The following LIPG variants were observed in gnomAD, a reference collection of about 807,000 sequenced individuals.
The protein encoded by LIPG is lipase G, endothelial type.
LIPG carries 34 observed loss-of-function variants against 51.8 expected under a neutral mutation model. That is an observed-to-expected ratio of 0.66 (90% CI 0.50 to 0.87). LIPG has a LOEUF of 0.87. LIPG is among the 40% of genes least tolerant of loss of function. The pLI, the probability that LIPG is intolerant of heterozygous loss-of-function variation, is 0.00. For missense variants in LIPG, 580 were observed against 652.7 expected (o/e 0.89, Z 1.21); for synonymous variants, 246 against 246.1 (o/e 1.00, Z 0.00).
At chr18:49,578,952 G>A (rs1201250081) in intron 5 of LIPG, among the ~76,000 whole-genome samples, 1 of 137,802 alleles carries the variant, frequency 7.3e-6, no homozygotes, top group Non-Finnish European at 1.6e-5. Flanking sequence ...AGTGAGCCGA[G>A]ATGGCAGCAG....
At position 49,595,561 on chromosome 18, in the gene LIPG, G is replaced by A. The variant is rs959457599; in HGVS notation, c.*5039G>A. The stretch of plus-strand genomic sequence containing the variant: ...AAATAAAATCCTGGGTGGGCACGGT[G>A]GCTCACCCCTGTAATCTCAGCACTT... On this transcript the variant is annotated 3_prime_UTR_variant, in exon 10 of 10. Coordinates refer to ENST00000261292, the MANE Select transcript of LIPG (RefSeq NM_006033.4). 1.3e-5 allele frequency: 2 copies of A among 152,258 alleles called. No homozygotes were observed. Among genetic ancestry groups the A allele is most frequent in the African/African-American group, 4.8e-5 (2 of 41,460 alleles). The allele number at this position is 152,258 out of a possible 1,614,324, so 9.4% of individuals were successfully genotyped here.
At chr18:49,584,433 G>A (rs1332569472) in intron 8 of LIPG, among the ~76,000 whole-genome samples, 1 of 152,212 alleles carries the variant, frequency 6.6e-6, no homozygotes, top group Non-Finnish European at 1.5e-5. Flanking sequence ...CCCTGAGCAG[G>A]CTTTTTTCTA....
intron 1 of LIPG, among the ~76,000 whole-genome samples, chr18:49,564,387 G>T (rs2084581077): frequency 6.6e-6 from 1 of 152,220 alleles, no homozygotes; most frequent in Non-Finnish European, 1.5e-5. Context: ...CACCTACTTA[G>T]TGTTAAGCCA....
chr18:49,565,150 A>C (rs2084588997), intron 1 of LIPG, among the ~76,000 whole-genome samples, 167 bp from the exon 2 acceptor site: 1 of 152,200 alleles, frequency 6.6e-6, no homozygotes, highest in South Asian at 2.1e-4. Flanking sequence ...CTTTTTTATA[A>C]AATGTTCACA....
intron 4 of LIPG, among the ~76,000 whole-genome samples, chr18:49,572,728 C>A (rs1434177640): frequency 7.0e-5 from 4 of 56,784 alleles, no homozygotes; most frequent in Non-Finnish European, 1.3e-4. Context: ...GAGACCCTGT[C>A]TTAAAAAAAA....
Position 49,590,567 on chromosome 18 carries a change from C to T in LIPG, c.*45C>T. Reference sequence around the variant, plus strand: ...GCCAGCAAGGCAGCAAGACTTCCTGCTATCCAAGCCCATGGAGGAAAGTTA... The same window carrying T: ...GCCAGCAAGGCAGCAAGACTTCCTGTTATCCAAGCCCATGGAGGAAAGTTA... On this transcript the variant is annotated 3_prime_UTR_variant, in exon 10 of 10. Coordinates refer to ENST00000261292, the MANE Select transcript of LIPG (RefSeq NM_006033.4). The T allele has an allele frequency of 6.4e-7, 1 of 1,569,412 alleles. No homozygotes were observed. Among genetic ancestry groups the T allele is most frequent in the South Asian group, 1.2e-5 (1 of 86,146 alleles).
intron 9 of LIPG, among the ~76,000 whole-genome samples, chr18:49,587,634 A>ATACTG (rs1367157538): frequency 5.9e-5 from 9 of 151,712 alleles, no homozygotes; most frequent in Non-Finnish European, 1.5e-5. Flanking sequence ...AGCAAGTGAA[A>ATACTG]TACTGTAGAT....
At chr18:49,571,945 G>A (rs554545943) in intron 4 of LIPG, among the ~76,000 whole-genome samples, 1 of 152,322 alleles carries the variant, frequency 6.6e-6, no homozygotes, top group African/African-American at 2.4e-5. Flanking sequence ...GCTATAATCA[G>A]GTAAGCAAGC....
Position 49,581,523 on chromosome 18 carries a change from A to T in LIPG, c.902A>T (p.Asn301Ile), listed in dbSNP as rs749055156. ...TTTGCCTTCCAGTGCACTGACTCCA[A>T]TCGCTTCAAAAAGGGGATCTGTCTG... The part of the protein sequence containing the change: ...PSFAFQCTDS[N>I]RFKKGICLSC... Residue 301 changes from asparagine to isoleucine, a missense_variant, in exon 6 of 10, where the codon AAT becomes ATT. Asn to Ile is a moderately radical substitution (Grantham distance 149, BLOSUM62 -3). Transcript: ENST00000261292. 6.2e-7 allele frequency: 1 copy of T among 1,614,082 alleles called. No individual in the cohort carries two copies. Among genetic ancestry groups the T allele is most frequent in the African/African-American group, 1.3e-5 (1 of 74,922 alleles).
rs1459907592 is a variant in LIPG at position 49,594,200 on chromosome 18, T to A, written c.*3678T>A. 1 of 152,246 alleles carries A rather than the reference T, an allele frequency of 6.6e-6. No homozygotes were observed. Among genetic ancestry groups the A allele is most frequent in the African/African-American group, 2.4e-5 (1 of 41,450 alleles). 9.4% of individuals were successfully genotyped at this position (152,246 alleles called of 1,614,324 possible). On this transcript the variant is annotated 3_prime_UTR_variant, in exon 10 of 10. Transcript: ENST00000261292. ...CCCAGGCTGGAGTGCAGGGGCATGA[T>A]CTTGGCCCACTGCAACCTCCGCCTC...
rs1285847354 is a variant in LIPG at position 49,598,487 on chromosome 18, GC to G, written c.*7967del. The stretch of plus-strand genomic sequence containing the variant: ...TGGGATTAGAGGCATGAGCCATCAG[GC>G]CTGGCCATGCTGCCTCTCTCTCCTT... On this transcript the variant is annotated 3_prime_UTR_variant, in exon 10 of 10. Coordinates refer to ENST00000261292, the MANE Select transcript of LIPG (RefSeq NM_006033.4). 2.6e-5 allele frequency: 4 copies of G among 152,486 alleles called. No homozygotes were observed. The highest frequency in any genetic ancestry group is 9.6e-5 in the African/African-American group (4 of 41,542). 9.4% of individuals were successfully genotyped at this position (152,486 alleles called of 1,614,324 possible).
rs891756167 is a variant in LIPG at position 49,596,658 on chromosome 18, A to C, written c.*6136A>C. 5 of 150,064 alleles carry C rather than the reference A, an allele frequency of 3.3e-5. No individual in the cohort carries two copies. Among genetic ancestry groups the C allele is most frequent in the Non-Finnish European group, 7.4e-5 (5 of 67,538 alleles). 9.3% of individuals were successfully genotyped at this position (150,064 alleles called of 1,614,324 possible). On this transcript the variant is annotated 3_prime_UTR_variant, in exon 10 of 10. Coordinates refer to ENST00000261292, the MANE Select transcript of LIPG (RefSeq NM_006033.4). ...CTCAAAAAAAAAAAAAAAAAAAAAA[A>C]GGCCACAGAAATGTCCATCCAGCAG...
At position 49,595,231 on chromosome 18, in the gene LIPG, A is replaced by G. The variant is rs1222619363; in HGVS notation, c.*4709A>G. The G allele has an allele frequency of 1.3e-5, 2 of 152,216 alleles. No homozygotes were observed. The highest frequency in any genetic ancestry group is 2.4e-5 in the African/African-American group (1 of 41,454). 9.4% of individuals were successfully genotyped at this position (152,216 alleles called of 1,614,324 possible). A position where few individuals can be genotyped will look rare whatever the true frequency, so the allele number is the denominator to read the frequency against. The stretch of plus-strand genomic sequence containing the variant: ...CTTAGAAGCTAGAATAGTGTCTGGA[A>G]CATCATGGGTATTCAATGAATATTT... On this transcript the variant is annotated 3_prime_UTR_variant, in exon 10 of 10. Transcript: ENST00000261292.
At chr18:49,587,352 C>T (rs2084892748) in intron 9 of LIPG, among the ~76,000 whole-genome samples, 2 of 151,568 alleles carry the variant, frequency 1.3e-5, no homozygotes, top group Admixed American at 6.6e-5. Flanking sequence ...AGGCGGATCA[C>T]GAGGTCAGGA....
At position 49,569,445 on chromosome 18, in the gene LIPG, C is replaced by T. The variant is rs377474720; in HGVS notation, c.468C>T (p.Asp156=). Residue 156 remains aspartate, a synonymous_variant, in exon 4 of 10, where the codon GAC becomes GAT. Coordinates refer to ENST00000261292, the MANE Select transcript of LIPG (RefSeq NM_006033.4). Reference sequence around the variant, plus strand: ...TTGGTGACTTTCTATAGGAGAAGGACGATTTTTCTCTCGGGAATGTCCACT... The same window carrying T: ...TTGGTGACTTTCTATAGGAGAAGGATGATTTTTCTCTCGGGAATGTCCACT... ...ARMLDWLQEK[D]DFSLGNVHLI... The T allele has an allele frequency of 2.6e-5, 42 of 1,614,134 alleles. No individual in the cohort carries two copies. The South Asian group carries it at 3.5e-4, about 14-fold the overall frequency.
chr18:49,563,354 T>C (rs887794854), intron 1 of LIPG, among the ~76,000 whole-genome samples: 6 of 152,172 alleles, frequency 3.9e-5, no homozygotes, highest in Middle Eastern at 3.2e-3. Flanking sequence ...GCTCCTCACC[T>C]GTAAAATGCT....
In LIPG at chr18:49,567,564, G is replaced by A. The variant is rs748869999; in HGVS notation, c.402G>A (p.Ala134=). ...TGGCCCACCAGCTTTACACGGATGCGGTCAATAATACCAGGGTGGTGGGAC... is the reference window on the plus strand; with the variant it reads ...TGGCCCACCAGCTTTACACGGATGCAGTCAATAATACCAGGGTGGTGGGAC... The part of the protein sequence containing the change: ...LPLAHQLYTD[A]VNNTRVVGHS... The change falls in exon 3 of 10, where the codon GCG becomes GCA. Residue 134 remains alanine (A), a synonymous_variant. Coordinates refer to ENST00000261292, the MANE Select transcript of LIPG (RefSeq NM_006033.4). 20 of 1,613,998 alleles carry A rather than the reference G, an allele frequency of 1.2e-5. No homozygotes were observed. Among genetic ancestry groups the A allele is most frequent in the East Asian group, 1.1e-4 (5 of 44,880 alleles).
At chr18:49,579,793 C>CTTTTCTTTTCTTTTCTT (rs2084797458) in intron 5 of LIPG, among the ~76,000 whole-genome samples, 1 of 139,270 alleles carries the variant, frequency 7.2e-6, no homozygotes, top group Non-Finnish European at 1.5e-5. Context: ...CTTTTCTTTT[C>CTTTTCTTTTCTTTTCTT]TTTTCTTTTC....
rs2084818472 is a variant in LIPG at position 49,581,465 on chromosome 18, G to A, written c.844G>A (p.Val282Ile). 2 of 1,614,074 alleles carry A rather than the reference G, an allele frequency of 1.2e-6. No individual in the cohort carries two copies. Among genetic ancestry groups the A allele is most frequent in the Admixed American group, 3.3e-5 (2 of 59,998 alleles). ...CEHERAVHLFVDSLVNQDKPS... is the reference protein window; with the variant it reads ...CEHERAVHLFIDSLVNQDKPS... The stretch of plus-strand genomic sequence containing the variant: ...GCATGAGCGAGCCGTCCACCTCTTT[G>A]TTGACTCTCTGGTGAATCAGGACAA... Residue 282 changes from valine (V) to isoleucine (I), a missense_variant, in exon 6 of 10, where the codon GTT (valine) becomes ATT (isoleucine). By Grantham distance (29) the Val-to-Ile change is conservative. Coordinates refer to ENST00000261292, the MANE Select transcript of LIPG (RefSeq NM_006033.4).
Sources: allele counts gnomAD v4.1 joint callset (sites outside exome capture counted in the v4.1 genomes callset), GRCh38; gene constraint gnomAD v4.1.1; transcripts MANE v1.5; gene names NCBI Gene and HGNC (gene_info 2026-07-23, HGNC 2026-07-21).